Variants in AKAP10 observed in about 807,000 individuals in gnomAD.
AKAP10 encodes A-kinase anchor protein 10, mitochondrial.
In AKAP10, 24 loss-of-function variants were observed where a neutral mutation model predicts 80.8. That is an observed-to-expected ratio of 0.30 (90% CI 0.22 to 0.42). The LOEUF is 0.42. Ranked by LOEUF, AKAP10 falls within the 10% of genes least tolerant of loss-of-function variation. The pLI is 1.00. For missense variants in AKAP10, 661 were observed against 794.9 expected (o/e 0.83, Z 2.03); for synonymous variants, 291 against 277.7 (o/e 1.05, Z -0.48).
chr17:19,949,042 G>T (rs2043168541), intron 4 of AKAP10, among the ~76,000 whole-genome samples: 1 of 152,000 alleles, frequency 6.6e-6, no homozygotes, highest in African/African-American at 2.4e-5. Flanking sequence ...AAAATTAATT[G>T]TCATATAAAG....
chr17:19,934,621 T>C (rs1259416792), intron 9 of AKAP10, among the ~76,000 whole-genome samples: 1 of 152,252 alleles, frequency 6.6e-6, no homozygotes, highest in Non-Finnish European at 1.5e-5. Flanking sequence ...TGTTAATATG[T>C]ATTTTATATA....
rs1408257981 is a variant in AKAP10 at position 19,910,328 on chromosome 17, A to AAAAAAAAAAC, written c.1835-351_1835-350insGTTTTTTTTT. 2.7e-5 allele frequency among the ~76,000 whole-genome samples: 4 copies of AAAAAAAAAAC among 150,468 alleles called. 1 individual carries two copies. The highest frequency in any genetic ancestry group is 9.7e-5 in the African/African-American group (4 of 41,104). ...GCAACAGAGCGAGACTCCAACTCAA[A>AAAAAAAAAAC]AAAAAAAAAAAAAACCACTATCACC... On this transcript the variant is annotated intron_variant, in intron 12 of 14. Transcript: ENST00000225737.
chr17:19,920,882 A>AAAT (rs2042804853), intron 11 of AKAP10, among the ~76,000 whole-genome samples: 2 of 135,824 alleles, frequency 1.5e-5, no homozygotes, highest in Admixed American at 7.7e-5. Context: ...AAAAAAAAAA[A>AAAT]AAAGCAAAAA....
At chr17:19,972,541 C>T (rs535133888) in intron 1 of AKAP10, among the ~76,000 whole-genome samples, 1 of 151,604 alleles carries the variant, frequency 6.6e-6, no homozygotes, top group South Asian at 2.1e-4. Flanking sequence ...CTGCAAGCTT[C>T]GCCTCCCGGG....
At chr17:19,914,953 A>T (rs1238387813) in intron 12 of AKAP10, among the ~76,000 whole-genome samples, 2 of 152,238 alleles carry the variant, frequency 1.3e-5, no homozygotes, top group Non-Finnish European at 2.9e-5. Context: ...GTAACAGCAA[A>T]GAGGCTAGAT....
chr17:19,947,632 G>A, intron 4 of AKAP10, 127 bp from the exon 5 acceptor site: 1 of 738,544 alleles, frequency 1.4e-6, no homozygotes, highest in Non-Finnish European at 2.4e-6. Context: ...CCATCACAAA[G>A]GTGCTTTTTC....
At chr17:19,967,122 T>C in intron 2 of AKAP10, among the ~76,000 whole-genome samples, 1 of 152,046 alleles carries the variant, frequency 6.6e-6, no homozygotes. Context: ...TAAGTAGCAA[T>C]CTACAGATTT....
intron 10 of AKAP10, among the ~76,000 whole-genome samples, chr17:19,929,922 A>G (rs1375753407): frequency 6.6e-6 from 1 of 150,930 alleles, no homozygotes; most frequent in Non-Finnish European, 1.5e-5. Flanking sequence ...GGTTGCAGTG[A>G]GCCACGATCG....
intron 9 of AKAP10, among the ~76,000 whole-genome samples, chr17:19,933,907 T>C (rs917768529): frequency 6.6e-6 from 1 of 152,128 alleles, no homozygotes; most frequent in African/African-American, 2.4e-5. Flanking sequence ...ATCAATACTT[T>C]ACTTTTATTT....
chr17:19,962,859 G>T lies in AKAP10; in HGVS notation c.300C>A (p.Ala100=). The T allele has an allele frequency of 6.2e-7, 1 of 1,612,478 alleles. No homozygotes were observed. Among genetic ancestry groups the T allele is most frequent in the East Asian group, 2.2e-5 (1 of 44,856 alleles). The change falls in exon 3 of 15, where the codon GCC becomes GCA. Residue 100 remains alanine (A), a synonymous_variant. Transcript: ENST00000225737. ...ACTTACCCAGGTCACCAAAATGAGC[G>T]GCCTCCATGTGGCTTGGCTGCTTCT... ...TLKKQPSHME[A]AHFGDLGRSC...
intron 12 of AKAP10, among the ~76,000 whole-genome samples, chr17:19,914,088 C>T (rs2042719160): frequency 6.6e-6 from 1 of 152,194 alleles, no homozygotes; most frequent in Non-Finnish European, 1.5e-5. Context: ...TCGCCTCAAC[C>T]TCCTGGGCCC....
intron 12 of AKAP10, among the ~76,000 whole-genome samples, chr17:19,918,178 C>T (rs1040412499): frequency 6.6e-6 from 1 of 150,410 alleles, no homozygotes; most frequent in Non-Finnish European, 1.5e-5. Flanking sequence ...TGAGATCGCA[C>T]CATTGCACTC....
intron 4 of AKAP10, among the ~76,000 whole-genome samples, chr17:19,956,082 G>C (rs1220950498): frequency 1.3e-5 from 2 of 152,088 alleles, no homozygotes; most frequent in Non-Finnish European, 2.9e-5. Flanking sequence ...TTAACAGAGA[G>C]CATATTAATA....
chr17:19,933,048 C>T (rs571613792), intron 9 of AKAP10, among the ~76,000 whole-genome samples: 1 of 152,016 alleles, frequency 6.6e-6, no homozygotes, highest in South Asian at 2.1e-4. Flanking sequence ...GACGTATTTT[C>T]GCTTTTGTCC....
chr17:19,975,836 A>G (rs1363516550), intron 1 of AKAP10, among the ~76,000 whole-genome samples: 1 of 152,126 alleles, frequency 6.6e-6, no homozygotes, highest in Non-Finnish European at 1.5e-5. Flanking sequence ...AGTTTGCCTC[A>G]TTATTCTTAG....
chr17:19,936,567 C>T, intron 8 of AKAP10, 137 bp from the exon 9 acceptor site: 2 of 835,074 alleles, frequency 2.4e-6, no homozygotes, highest in Non-Finnish European at 3.6e-6. Context: ...TATGTGATGA[C>T]AGTGCTGATG....
rs757341363 is a variant in AKAP10 at position 19,962,859 on chromosome 17, G to A, written c.300C>T (p.Ala100=). Residue 100 remains alanine, a synonymous_variant, in exon 3 of 15, where the codon GCC becomes GCT. Coordinates refer to ENST00000225737, the MANE Select transcript of AKAP10 (RefSeq NM_007202.4). ...TLKKQPSHME[A]AHFGDLGRSC... ...ACTTACCCAGGTCACCAAAATGAGC[G>A]GCCTCCATGTGGCTTGGCTGCTTCT... is the stretch of plus-strand genomic sequence containing the variant. The A allele has an allele frequency of 2.0e-5, 33 of 1,612,478 alleles. 1 individual carries two copies. Among genetic ancestry groups the A allele is most frequent in the African/African-American group, 1.1e-4 (8 of 74,964 alleles).
At chr17:19,968,060 G>T (rs2043444462) in intron 2 of AKAP10, 1 of 173,998 alleles carries the variant, frequency 5.7e-6, no homozygotes, top group African/African-American at 2.4e-5. Context: ...AATTAGCCAG[G>T]CGTGGCGCCG....
intron 2 of AKAP10, among the ~76,000 whole-genome samples, chr17:19,967,049 C>T (rs1386101444): frequency 6.6e-6 from 1 of 151,946 alleles, no homozygotes; most frequent in Non-Finnish European, 1.5e-5. Flanking sequence ...GCAAATTGAG[C>T]ATATAGAATA....
Sources: gnomAD v4.1 joint callset for allele counts (sites outside exome capture counted in the v4.1 genomes callset) on GRCh38, gnomAD v4.1.1 for gene constraint, MANE v1.5 for transcripts, NCBI Gene and HGNC (gene_info 2026-07-23, HGNC 2026-07-21) for gene names.